The following DNASE2B variants were observed in gnomAD, a reference collection of about 807,000 sequenced individuals.
The protein encoded by DNASE2B is deoxyribonuclease 2 beta.
A neutral mutation model predicts 46.0 loss-of-function variants in DNASE2B; 43 were observed. The observed-to-expected ratio is 0.94, with a 90% confidence interval of 0.73 to 1.21. The LOEUF (loss-of-function observed/expected upper bound fraction) is 1.21. Ranked by LOEUF, DNASE2B falls within the 50% of genes most tolerant of loss-of-function variation. The pLI is 0.00. For missense variants in DNASE2B, 395 were observed against 414.4 expected, an observed-to-expected ratio of 0.95 and a Z score of 0.41; for synonymous variants, 156 against 152.5, an observed-to-expected ratio of 1.02 and a Z score of -0.17.
chr1:84,402,178 A>C, intron 2 of DNASE2B, 100 bp downstream of exon 2: 12 of 1,192,710 alleles, frequency 1.0e-5, no homozygotes, highest in Non-Finnish European at 1.4e-5. Context: ...CCAACCCCCA[A>C]TCCTAGCACC....
At chr1:84,401,832 G>A (rs931110632) in intron 1 of DNASE2B, 69 bp from the exon 2 acceptor site, 207 of 1,207,200 alleles carry the variant, frequency 1.7e-4, no homozygotes, top group Non-Finnish European at 2.2e-4. Flanking sequence ...ATTAAAGTGT[G>A]TAATACAGTT....
chr1:84,398,485 G>C lies in DNASE2B; in HGVS notation c.-80G>C, dbSNP rs1680344453. Reference sequence around the variant, plus strand: ...CACAGGTAAATCAAATCAAACGTCAGAGCCAGCACAGCCTGAGAGCGCCTT... The same window carrying C: ...CACAGGTAAATCAAATCAAACGTCACAGCCAGCACAGCCTGAGAGCGCCTT... On this transcript the variant is annotated 5_prime_UTR_variant, in exon 1 of 6. Transcript: ENST00000370665. The C allele has an allele frequency of 3.2e-6, 5 of 1,572,656 alleles. No individual in the cohort carries two copies. The highest frequency in any genetic ancestry group is 4.3e-6 in the Non-Finnish European group (5 of 1,155,678).
intron 4 of DNASE2B, among the ~76,000 whole-genome samples, chr1:84,412,058 ATAAAG>A (rs1425290464): frequency 1.3e-5 from 2 of 152,224 alleles, no homozygotes; most frequent in Non-Finnish European, 2.9e-5. Context: ...TAATTCATCT[ATAAAG>A]TAAAGATAAT....
rs180791234 is a variant in DNASE2B, at chr1:84,411,039, T to C, written c.547+40T>C. The C allele has an allele frequency of 4.9e-4, 769 of 1,555,374 alleles. 8 individuals carry two copies. In the East Asian group the frequency reaches 0.015, roughly 31 times the overall value. On this transcript the variant is annotated intron_variant, in intron 4 of 5. Coordinates refer to ENST00000370665, the MANE Select transcript of DNASE2B (RefSeq NM_021233.3). The stretch of plus-strand genomic sequence containing the variant: ...TGTGAGAAAAAAAACGATAACTATG[T>C]TGAAGAAATGATTTGGAAATATATT...
chr1:84,413,649 A>G (rs1680641325), intron 5 of DNASE2B, among the ~76,000 whole-genome samples: 1 of 152,080 alleles, frequency 6.6e-6, no homozygotes, highest in Non-Finnish European at 1.5e-5. Flanking sequence ...ATCTCATTCT[A>G]CATACCCATG....
chr1:84,405,049 T>C (rs137886772), intron 2 of DNASE2B, among the ~76,000 whole-genome samples: 23 of 152,272 alleles, frequency 1.5e-4, no homozygotes, highest in Non-Finnish European at 3.2e-4. Flanking sequence ...AATGATTTTC[T>C]TGATGGCATC....
intron 5 of DNASE2B, among the ~76,000 whole-genome samples, chr1:84,412,867 C>T (rs1680626268): frequency 6.6e-6 from 1 of 151,926 alleles, no homozygotes; most frequent in Non-Finnish European, 1.5e-5. Flanking sequence ...AAGCCCTTTA[C>T]ACTACTCTGC....
At chr1:84,402,342 T>C (rs1010157665) in intron 2 of DNASE2B, among the ~76,000 whole-genome samples, 2 of 152,350 alleles carry the variant, frequency 1.3e-5, no homozygotes, top group East Asian at 1.9e-4. Context: ...ATTAATTGTA[T>C]ATTGAAGTCT....
chr1:84,402,200 T>C, intron 2 of DNASE2B, 122 bp downstream of exon 2: 1 of 917,768 alleles, frequency 1.1e-6, no homozygotes, highest in Admixed American at 3.5e-5. Flanking sequence ...TGAAGTGAGC[T>C]AGCTCAGGAC....
At chr1:84,406,249 T>C (rs1364924074) in intron 2 of DNASE2B, among the ~76,000 whole-genome samples, 1 of 152,170 alleles carries the variant, frequency 6.6e-6, no homozygotes. Context: ...GAAGCATATC[T>C]ATTAGTGGGA....
chr1:84,410,360 T>C (rs1233861834), intron 3 of DNASE2B, among the ~76,000 whole-genome samples: 4 of 152,196 alleles, frequency 2.6e-5, no homozygotes, highest in Non-Finnish European at 5.9e-5. Context: ...TGCCAATAAA[T>C]GGGCAGCAGT....
At chr1:84,401,786 C>T in intron 1 of DNASE2B, 115 bp from the exon 2 acceptor site, 1 of 774,342 alleles carries the variant, frequency 1.3e-6, no homozygotes, top group South Asian at 2.4e-5. Flanking sequence ...AATCCCTTTC[C>T]TTAGAGGCCT....
intron 2 of DNASE2B, among the ~76,000 whole-genome samples, chr1:84,404,400 A>C (rs1220875424): frequency 6.6e-6 from 1 of 152,180 alleles, no homozygotes; most frequent in Non-Finnish European, 1.5e-5. Context: ...TTCCAGCAGG[A>C]ATGTATTGTT....
At chr1:84,409,521 G>A (rs1002711932) in intron 3 of DNASE2B, among the ~76,000 whole-genome samples, 8 of 152,200 alleles carry the variant, frequency 5.3e-5, no homozygotes, top group African/African-American at 1.9e-4. Context: ...GCTGGATTTG[G>A]CTCAGAGGAT....
chr1:84,404,365 A>G (rs1680468072), intron 2 of DNASE2B, among the ~76,000 whole-genome samples: 1 of 152,180 alleles, frequency 6.6e-6, no homozygotes, highest in Admixed American at 6.5e-5. Flanking sequence ...CTGTGAAGTC[A>G]TGCTCAACAT....
chr1:84,413,774 C>G (rs1680643391), intron 5 of DNASE2B, among the ~76,000 whole-genome samples: 1 of 152,218 alleles, frequency 6.6e-6, no homozygotes, highest in African/African-American at 2.4e-5. Flanking sequence ...GAAGGTGGTA[C>G]AGCCACATCA....
At position 84,398,638 on chromosome 1, in the gene DNASE2B, T is replaced by TG; in HGVS notation, c.79dup (p.Ala27GlyfsTer9). The TG allele has an allele frequency of 6.2e-7, 1 of 1,613,862 alleles. No individual in the cohort carries two copies. Among genetic ancestry groups the TG allele is most frequent in the Non-Finnish European group, 8.5e-7 (1 of 1,179,792 alleles). On this transcript the variant is annotated frameshift_variant, in exon 1 of 6. Coordinates refer to ENST00000370665, the MANE Select transcript of DNASE2B (RefSeq NM_021233.3). LOFTEE classifies it high-confidence loss of function. ...CTCTTCCTTGGCCTCTTTGGGGTGC[T>TG]GGGGGCAGCAACAATTTCATGCAGA... is the stretch of plus-strand genomic sequence containing the variant.
At chr1:84,414,368 A>G (rs1289824688) in intron 5 of DNASE2B, among the ~76,000 whole-genome samples, 160 bp from the exon 6 acceptor site, 1 of 152,220 alleles carries the variant, frequency 6.6e-6, no homozygotes, top group East Asian at 1.9e-4. Context: ...TAGCATTTAC[A>G]AAATGTTTTC....
chr1:84,410,861 C>T lies in DNASE2B; in HGVS notation c.409C>T (p.Gln137Ter), dbSNP rs757330569. 1 of 1,613,434 alleles carries T rather than the reference C, an allele frequency of 6.2e-7. No homozygotes were observed. The highest frequency in any genetic ancestry group is 8.5e-7 in the Non-Finnish European group (1 of 1,179,678). ...AGGTTTACTGCTGTGGAACAGAGTT[C>T]AAGGGTTCTGGCTGATTCATTCCAT... ...TKGLLLWNRV[Q>*]GFWLIHSIPQ... Residue 137 changes from glutamine (Q) to a stop codon, truncating the protein, a stop_gained, in exon 4 of 6, where the codon CAA becomes TAA. Transcript: ENST00000370665. LOFTEE classifies it high-confidence loss of function.
Sources: allele counts gnomAD v4.1 joint callset (sites outside exome capture counted in the v4.1 genomes callset), GRCh38; gene constraint gnomAD v4.1.1; transcripts MANE v1.5; gene names NCBI Gene and HGNC (gene_info 2026-07-23, HGNC 2026-07-21).